RNF215: variants seen among roughly 807,000 people sequenced by gnomAD.
The protein encoded by RNF215 is ring finger protein 215.
A neutral mutation model predicts 44.8 loss-of-function variants in RNF215; 41 were observed. The ratio of observed to expected loss-of-function variants is 0.92; its 90% CI spans 0.71 to 1.19. The LOEUF (loss-of-function observed/expected upper bound fraction) is 1.19, where lower values mean the gene tolerates loss of function less well. Ranked by LOEUF, RNF215 falls within the 50% of genes most tolerant of loss-of-function variation. The pLI, the probability that RNF215 is intolerant of heterozygous loss-of-function variation, is 0.00. For missense variants in RNF215, 452 were observed against 496.2 expected (o/e 0.91, Z 0.85); for synonymous variants, 218 against 230.1 (o/e 0.95, Z 0.48).
intron 2 of RNF215, 82 bp from the exon 3 acceptor site, chr22:30,386,223 A>G: frequency 7.5e-7 from 1 of 1,339,160 alleles, no homozygotes; most frequent in Non-Finnish European, 1.0e-6. Flanking sequence ...AGCTGCTCTT[A>G]GCTCCTGGCC....
Position 30,380,259 on chromosome 22 carries a change from G to A in RNF215, c.864+23C>T, listed in dbSNP as rs779326856. ...CAGGTCCAAGGGCTGAGGGTGCTGG[G>A]GCTCCCTGGGGCTGGCTCCCACCTG... On this transcript the variant is annotated intron_variant, in intron 6 of 8. Transcript: ENST00000382363. This position sits in a 1 kb window ranked among gnomAD's most constrained non-coding sequence, Gnocchi z 5.3. The A allele has an allele frequency of 6.2e-7, 1 of 1,610,856 alleles. No individual in the cohort carries two copies. Among genetic ancestry groups the A allele is most frequent in the South Asian group, 1.1e-5 (1 of 90,954 alleles).
At chr22:30,379,671 C>T (rs1273596204) in intron 8 of RNF215, 40 bp downstream of exon 8, 2 of 1,552,304 alleles carry the variant, frequency 1.3e-6, no homozygotes, top group South Asian at 2.4e-5. Context: ...AGGTGAGGAG[C>T]AGGCAGAGTA....
In RNF215 at chr22:30,384,453, C is replaced by T. The variant is rs763083079; in HGVS notation, c.630G>A (p.Leu210=). 1 of 1,614,066 alleles carries T rather than the reference C, an allele frequency of 6.2e-7. No homozygotes were observed. Residue 210 remains leucine, a synonymous_variant, in exon 5 of 9, where the codon CTG becomes CTA. Coordinates refer to ENST00000382363, the MANE Select transcript of RNF215 (RefSeq NM_001017981.2). ...ATAEITSGES[L]SANIEWKLTL... is the part of the protein sequence containing the mutation. ...TCAACTTCCACTCGATATTGGCAGA[C>T]AGGGACTCTCCGCTGGTGATCTCAG...
Position 30,387,111 on chromosome 22 carries a change from C to A in RNF215, c.203G>T (p.Arg68Leu), listed in dbSNP as rs1288673596. 11 of 1,514,022 alleles carry A rather than the reference C, an allele frequency of 7.3e-6. No individual in the cohort carries two copies. The highest frequency in any genetic ancestry group is 6.1e-5 in the Admixed American group (3 of 49,492). 93.8% of individuals were successfully genotyped at this position (1,514,022 alleles called of 1,614,324 possible). ...GCCCTCCAGGACCAGAGCGTCCTGG[C>A]GCGGCAGTCTCACGTCCACCCGCAC... The part of the protein sequence containing the change: ...RAVRVDVRLP[R>L]QDALVLEGVR... The change falls in exon 1 of 9, where the codon CGC becomes CTC. Residue 68 changes from arginine (R) to leucine (L), a missense_variant. Coordinates refer to ENST00000382363, the MANE Select transcript of RNF215 (RefSeq NM_001017981.2).
rs895997117 is a variant in RNF215 at position 30,379,333 on chromosome 22, A to G, written c.*267T>C. On this transcript the variant is annotated 3_prime_UTR_variant, in exon 9 of 9. Transcript: ENST00000382363. ...CCTGGGAGCTGCCTGTAAGGAGGGCAGACTCACGTCACAGGATTGCAGAGA... is the reference window on the plus strand; with the variant it reads ...CCTGGGAGCTGCCTGTAAGGAGGGCGGACTCACGTCACAGGATTGCAGAGA... The G allele has an allele frequency of 1.1e-5, 6 of 543,568 alleles. No homozygotes were observed. Among genetic ancestry groups the G allele is most frequent in the Admixed American group, 3.2e-5 (1 of 31,680 alleles). 33.7% of individuals were successfully genotyped at this position (543,568 alleles called of 1,614,324 possible).
Position 30,384,499 on chromosome 22 carries a change from G to A in RNF215, c.588-4C>T, listed in dbSNP as rs755927096. On this transcript the variant is annotated splice_polypyrimidine_tract_variant and splice_region_variant and intron_variant, in intron 4 of 8. Coordinates refer to ENST00000382363, the MANE Select transcript of RNF215 (RefSeq NM_001017981.2). ...CTCAGCCGTGGCCTGGGTCCTCCTG[G>A]GAGGGGAAGTCACCGGGGCCAGATG... 6.2e-7 allele frequency: 1 copy of A among 1,612,638 alleles called. No homozygotes were observed. The highest frequency in any genetic ancestry group is 8.5e-7 in the Non-Finnish European group (1 of 1,179,006).
chr22:30,382,980 T>C (rs1933548445), intron 5 of RNF215, among the ~76,000 whole-genome samples: 1 of 152,156 alleles, frequency 6.6e-6, no homozygotes. Context: ...CACGTGCCTG[T>C]AGTCCCAGCT....
At chr22:30,381,480 A>G (rs1933528843) in intron 5 of RNF215, among the ~76,000 whole-genome samples, 1 of 152,172 alleles carries the variant, frequency 6.6e-6, no homozygotes, top group Non-Finnish European at 1.5e-5. Flanking sequence ...ACTACTCAAC[A>G]GCTGGCTCAG....
intron 5 of RNF215, among the ~76,000 whole-genome samples, chr22:30,384,084 G>C (rs751825991): frequency 3.9e-5 from 6 of 152,208 alleles, no homozygotes; most frequent in Non-Finnish European, 5.9e-5. Context: ...TTTACAGGCA[G>C]TGGAATAAGG....
rs1244018110 is a variant in RNF215 at position 30,380,250 on chromosome 22, G to A, written c.864+32C>T. ...ACAGTCTTGCAGGTCCAAGGGCTGA[G>A]GGTGCTGGGGCTCCCTGGGGCTGGC... On this transcript the variant is annotated intron_variant, in intron 6 of 8. Transcript: ENST00000382363. The surrounding 1 kb of genome is among the most constrained non-coding windows in gnomAD (Gnocchi z 5.3). 1 of 1,610,892 alleles carries A rather than the reference G, an allele frequency of 6.2e-7. No homozygotes were observed. Among genetic ancestry groups the A allele is most frequent in the Non-Finnish European group, 8.5e-7 (1 of 1,178,056 alleles).
intron 4 of RNF215, chr22:30,384,726 C>T: frequency 2.2e-6 from 1 of 464,772 alleles, no homozygotes; most frequent in Non-Finnish European, 3.9e-6. Flanking sequence ...TCTCTGCCCA[C>T]AGAGCCACTT....
chr22:30,382,644 G>A (rs141594905), intron 5 of RNF215, among the ~76,000 whole-genome samples: 3 of 152,216 alleles, frequency 2.0e-5, no homozygotes, highest in East Asian at 3.9e-4. Flanking sequence ...AAGTGTGGCC[G>A]GCCTGAAGCT....
rs770568904 is a variant in RNF215, at chr22:30,386,714, T to A, written c.331A>T (p.Ile111Phe). The change falls in exon 2 of 9, where the codon ATT (isoleucine) becomes TTT (phenylalanine). Residue 111 changes from isoleucine to phenylalanine, a missense_variant. By Grantham distance (21) the Ile-to-Phe change is conservative. Transcript: ENST00000382363. ...AEQEAPVEGW[I>F]AVAYVGKEQA... ...TCCTTGCCCACGTATGCCACTGCAA[T>A]CCAGCCTTCCACTGGTGCCTCCTGC... The A allele has an allele frequency of 1.2e-5, 20 of 1,610,586 alleles. No individual in the cohort carries two copies. In the Admixed American group the frequency reaches 3.2e-4, roughly 25 times the overall value.
rs1331443319 is a variant in RNF215, at chr22:30,387,226, G to A, written c.88C>T (p.Leu30=). The A allele has an allele frequency of 9.9e-7, 1 of 1,007,058 alleles. No homozygotes were observed. The highest frequency in any genetic ancestry group is 1.2e-6 in the Non-Finnish European group (1 of 836,914). The allele number at this position is 1,007,058 out of a possible 1,614,324, so 62.4% of individuals were successfully genotyped here. A position where few individuals can be genotyped will look rare whatever the true frequency, so the allele number is the denominator to read the frequency against. Residue 30 remains leucine (L), a synonymous_variant, in exon 1 of 9, where the codon CTG becomes TTG. Transcript: ENST00000382363. ...PSPLLLLLPL[L]PLWLGLAGPG... ...CCCGCCAGGCCCAGCCACAGCGGCAGCAGGGGCAGCAGCAGCAGCAGCGGA... is the reference window on the plus strand; with the variant it reads ...CCCGCCAGGCCCAGCCACAGCGGCAACAGGGGCAGCAGCAGCAGCAGCGGA...
At chr22:30,384,742 C>A in intron 4 of RNF215, 1 of 401,802 alleles carries the variant, frequency 2.5e-6, no homozygotes, top group Admixed American at 4.0e-5. Context: ...CACTTCCTTG[C>A]TCCAAGCTCC....
chr22:30,386,615 C>A lies in RNF215; in HGVS notation c.429+1G>T. 1 of 1,611,702 alleles carries A rather than the reference C, an allele frequency of 6.2e-7. No individual in the cohort carries two copies. Among genetic ancestry groups the A allele is most frequent in the Non-Finnish European group, 8.5e-7 (1 of 1,179,168 alleles). On this transcript the variant is annotated splice_donor_variant, in intron 2 of 8. Coordinates refer to ENST00000382363, the MANE Select transcript of RNF215 (RefSeq NM_001017981.2). LOFTEE classifies it high-confidence loss of function. The stretch of plus-strand genomic sequence containing the variant: ...CCCTCCCCCATAGACATCCCCTGCA[C>A]CTGCTGGACCAGGGCCTTGGGATAG...
At chr22:30,383,196 C>G (rs1442577460) in intron 5 of RNF215, among the ~76,000 whole-genome samples, 1 of 152,176 alleles carries the variant, frequency 6.6e-6, no homozygotes, top group African/African-American at 2.4e-5. Context: ...GAGATGCCTC[C>G]TCCAGCCACC....
chr22:30,380,472 A>G lies in RNF215; in HGVS notation c.745-71T>C. On this transcript the variant is annotated intron_variant, in intron 5 of 8. Transcript: ENST00000382363. The surrounding 1 kb of genome is among the most constrained non-coding windows in gnomAD (Gnocchi z 5.3). ...GCCTCCCTTAGGAACATCTACCCCC[A>G]GGAACGCCAGGGAGCAGGCAGGTGA... 1 of 1,517,472 alleles carries G rather than the reference A, an allele frequency of 6.6e-7. No homozygotes were observed. The allele number at this position is 1,517,472 out of a possible 1,614,324, so 94.0% of individuals were successfully genotyped here. A position where few individuals can be genotyped will look rare whatever the true frequency, so the allele number is the denominator to read the frequency against.
At chr22:30,384,259 C>T (rs1933564982) in intron 5 of RNF215, 80 bp downstream of exon 5, 2 of 1,450,212 alleles carry the variant, frequency 1.4e-6, no homozygotes, top group Non-Finnish European at 1.9e-6. Context: ...GGAGAAGCCA[C>T]AGGATTTTCA....
Sources: allele counts gnomAD v4.1 joint callset (sites outside exome capture counted in the v4.1 genomes callset), GRCh38; gene constraint gnomAD v4.1.1; non-coding constraint Gnocchi (gnomAD v3.1); transcripts MANE v1.5; gene names NCBI Gene and HGNC (gene_info 2026-07-23, HGNC 2026-07-21).